B4GALT5: variants seen among roughly 807,000 people sequenced by gnomAD.
B4GALT5 encodes the protein beta-1,4-galactosyltransferase 5, also known as UDP-Gal:beta-GlcNAc beta-1,4-galactosyltransferase 5.
In B4GALT5, 11 loss-of-function variants were observed where a neutral mutation model predicts 45.0. The observed-to-expected ratio is 0.24, with a 90% confidence interval of 0.15 to 0.40. The LOEUF (loss-of-function observed/expected upper bound fraction) is 0.40, where lower values mean the gene tolerates loss of function less well. B4GALT5 is among the 10% of genes least tolerant of loss of function. The probability of loss-of-function intolerance (pLI) is 1.00; values close to 1 mark genes in which losing one functional copy is unlikely to be tolerated. For missense variants in B4GALT5, 337 were observed against 500.2 expected (o/e 0.67, Z 3.11); for synonymous variants, 185 against 182.9 (o/e 1.01, Z -0.09).
At chr20:49,664,085 C>A (rs2085678557) in intron 1 of B4GALT5, among the ~76,000 whole-genome samples, 1 of 152,040 alleles carries the variant, frequency 6.6e-6, no homozygotes, top group Admixed American at 6.6e-5. Context: ...GCAGGTCATC[C>A]CTTTACCAAA....
intron 5 of B4GALT5, among the ~76,000 whole-genome samples, chr20:49,641,170 T>C (rs1056902316): frequency 3.9e-5 from 6 of 152,092 alleles, no homozygotes; most frequent in South Asian, 2.1e-4. Flanking sequence ...TCTTTAAAAA[T>C]GTAAGTGATA....
chr20:49,678,830 T>C (rs1210506956), intron 1 of B4GALT5, among the ~76,000 whole-genome samples: 7 of 152,250 alleles, frequency 4.6e-5, no homozygotes, highest in Non-Finnish European at 8.8e-5. Context: ...TACTAAGACC[T>C]TGAAGATCCT....
intron 1 of B4GALT5, among the ~76,000 whole-genome samples, chr20:49,664,748 GT>G (rs1426920659): frequency 6.6e-6 from 1 of 152,096 alleles, no homozygotes; most frequent in Admixed American, 6.5e-5. Context: ...CTCAGGAGAT[GT>G]ATATTGAAGT....
intron 1 of B4GALT5, among the ~76,000 whole-genome samples, chr20:49,658,401 T>G (rs1395652558): frequency 6.6e-6 from 1 of 152,070 alleles, no homozygotes; most frequent in Non-Finnish European, 1.5e-5. Context: ...TGTTGTTGTT[T>G]TTAATCATTT....
At chr20:49,706,090 G>T (rs2146362554) in intron 1 of B4GALT5, among the ~76,000 whole-genome samples, 1 of 151,794 alleles carries the variant, frequency 6.6e-6, no homozygotes, top group Admixed American at 6.6e-5. Context: ...TACTCAGGAG[G>T]GTGAAGCAGA....
chr20:49,675,217 T>G (rs1314932467), intron 1 of B4GALT5, among the ~76,000 whole-genome samples: 2 of 152,186 alleles, frequency 1.3e-5, no homozygotes, highest in African/African-American at 2.4e-5. Flanking sequence ...TTCCTAAGAT[T>G]GCTGTTACTC....
In B4GALT5 at chr20:49,634,355, A is replaced by C. The variant is rs1601242091; in HGVS notation, c.*1957T>G. On this transcript the variant is annotated 3_prime_UTR_variant, in exon 9 of 9. Coordinates refer to ENST00000371711, the MANE Select transcript of B4GALT5 (RefSeq NM_004776.4). The stretch of plus-strand genomic sequence containing the variant: ...CCATGTAAACTATGAAAATCAAGGA[A>C]GTTGAAGGCAAACAAGGCAATTAAA... 2 of 152,562 alleles carry C rather than the reference A, an allele frequency of 1.3e-5. No homozygotes were observed. Among genetic ancestry groups the C allele is most frequent in the Non-Finnish European group, 2.9e-5 (2 of 68,038 alleles). 9.5% of individuals were successfully genotyped at this position (152,562 alleles called of 1,614,324 possible).
intron 2 of B4GALT5, among the ~76,000 whole-genome samples, chr20:49,651,558 C>T (rs946576755): frequency 2.0e-5 from 3 of 151,656 alleles, no homozygotes; most frequent in African/African-American, 4.9e-5. Flanking sequence ...CACTGCACTC[C>T]GGCCTGGGCA....
In B4GALT5 at chr20:49,640,247, T is replaced by C. The variant is rs114463476; in HGVS notation, c.794+231A>G. Among the ~76,000 whole-genome samples the C allele has an allele frequency of 3.2e-3, 481 of 152,196 alleles. 5 individuals carry two copies. The highest frequency in any genetic ancestry group is 0.011 in the African/African-American group (467 of 41,434). ...GGAATCATATGATACACAACCTTTG[T>C]GTCTGGCTTCTTTAACGTAATGTTT... On this transcript the variant is annotated intron_variant, in intron 6 of 8. Coordinates refer to ENST00000371711, the MANE Select transcript of B4GALT5 (RefSeq NM_004776.4).
chr20:49,638,637 AG>A (rs1488150574), intron 7 of B4GALT5, among the ~76,000 whole-genome samples: 4 of 152,146 alleles, frequency 2.6e-5, no homozygotes, highest in Admixed American at 2.6e-4. Flanking sequence ...TGAAGTGAAA[AG>A]TTTTGTTAGA....
chr20:49,636,431 G>A lies in B4GALT5; in HGVS notation c.1048C>T (p.Arg350Trp), dbSNP rs1406837691. 2 of 1,614,152 alleles carry A rather than the reference G, an allele frequency of 1.2e-6. No homozygotes were observed. The highest frequency in any genetic ancestry group is 2.2e-5 in the East Asian group (1 of 44,890). The change falls in exon 9 of 9, where the codon CGG becomes TGG. Residue 350 changes from arginine (R) to tryptophan (W), a missense_variant. Coordinates refer to ENST00000371711, the MANE Select transcript of B4GALT5 (RefSeq NM_004776.4). ...TTGTTGAGGCCATCCAGCCCTTGCCGTTCTTTTGACTTCCTCAGCAGAGCA... is the reference window on the plus strand; with the variant it reads ...TTGTTGAGGCCATCCAGCCCTTGCCATTCTTTTGACTTCCTCAGCAGAGCA... ...RYALLRKSKE[R>W]QGLDGLNNLN...
intron 2 of B4GALT5, among the ~76,000 whole-genome samples, chr20:49,652,745 T>C (rs2085627485): frequency 6.6e-6 from 1 of 152,190 alleles, no homozygotes; most frequent in Admixed American, 6.5e-5. Flanking sequence ...CCATGTTGCT[T>C]TTAAACTTAA....
In B4GALT5 at chr20:49,677,588, T is replaced by G. The variant is rs539263553; in HGVS notation, c.116-20886A>C. On this transcript the variant is annotated intron_variant, in intron 1 of 8. Coordinates refer to ENST00000371711, the MANE Select transcript of B4GALT5 (RefSeq NM_004776.4). The stretch of plus-strand genomic sequence containing the variant: ...AACTTTGCAATCTATTTTTGAAGAA[T>G]TGTCTGCAAAAAGAGTGGAAATTGA... Among the ~76,000 whole-genome samples, 7 of 152,228 alleles carry G rather than the reference T, an allele frequency of 4.6e-5. No homozygotes were observed. The South Asian group carries it at 1.4e-3, about 32-fold the overall frequency.
intron 1 of B4GALT5, among the ~76,000 whole-genome samples, chr20:49,694,035 C>T (rs2085827389): frequency 6.6e-6 from 1 of 152,178 alleles, no homozygotes; most frequent in Non-Finnish European, 1.5e-5. Context: ...AAAAAAATAA[C>T]AGAAGTGAGA....
At chr20:49,702,687 T>C (rs981630465) in intron 1 of B4GALT5, among the ~76,000 whole-genome samples, 2 of 151,852 alleles carry the variant, frequency 1.3e-5, no homozygotes, top group African/African-American at 4.8e-5. Context: ...CAATCCCATC[T>C]CTACAAATAA....
intron 1 of B4GALT5, among the ~76,000 whole-genome samples, chr20:49,704,370 A>T (rs1023671182): frequency 3.9e-5 from 6 of 152,220 alleles, no homozygotes; most frequent in African/African-American, 1.4e-4. Context: ...ACTTTTTAAT[A>T]AAAATAATAT....
chr20:49,646,253 G>C (rs1201798355), intron 3 of B4GALT5, among the ~76,000 whole-genome samples: 2 of 152,144 alleles, frequency 1.3e-5, no homozygotes, highest in Non-Finnish European at 2.9e-5. Context: ...ATTTGGTGCA[G>C]CCAAAGTGTT....
intron 1 of B4GALT5, among the ~76,000 whole-genome samples, chr20:49,677,768 T>G (rs1393091830): frequency 6.6e-6 from 1 of 152,236 alleles, no homozygotes; most frequent in Non-Finnish European, 1.5e-5. Context: ...ATTTTTGGGA[T>G]GGAGTCTCAC....
At chr20:49,673,479 A>G (rs1340928827) in intron 1 of B4GALT5, among the ~76,000 whole-genome samples, 1 of 152,182 alleles carries the variant, frequency 6.6e-6, no homozygotes, top group Non-Finnish European at 1.5e-5. Context: ...CTCTTTCTCA[A>G]AGAGTTACTA....
Sources: allele counts gnomAD v4.1 joint callset (sites outside exome capture counted in the v4.1 genomes callset), GRCh38; gene constraint gnomAD v4.1.1; transcripts MANE v1.5; gene names NCBI Gene and HGNC (gene_info 2026-07-23, HGNC 2026-07-21).